Variants in PDCD6IP observed in about 807,000 individuals in gnomAD.
PDCD6IP encodes programmed cell death 6 interacting protein.
In PDCD6IP, 43 loss-of-function variants were observed where a neutral mutation model predicts 103.7. That is an observed-to-expected ratio of 0.41 (90% CI 0.32 to 0.53). PDCD6IP has a LOEUF of 0.53. Ranked by LOEUF, PDCD6IP falls within the 20% of genes least tolerant of loss-of-function variation. PDCD6IP has a pLI of 0.16. For missense variants in PDCD6IP, 871 were observed against 1,036.7 expected (o/e 0.84, Z 2.20); for synonymous variants, 354 against 378.7 (o/e 0.93, Z 0.76).
intron 1 of PDCD6IP, among the ~76,000 whole-genome samples, chr3:33,803,809 C>A (rs1266929106): frequency 6.6e-6 from 1 of 151,924 alleles, no homozygotes; most frequent in Non-Finnish European, 1.5e-5. Flanking sequence ...AAAAAATGTT[C>A]TTTGTTCCTT....
intron 3 of PDCD6IP, among the ~76,000 whole-genome samples, chr3:33,814,878 A>G (rs895803519): frequency 6.9e-6 from 1 of 145,896 alleles, no homozygotes; most frequent in Non-Finnish European, 1.5e-5. Flanking sequence ...ATACATATAT[A>G]CATATATATT....
chr3:33,856,400 A>T (rs767590837), intron 15 of PDCD6IP, among the ~76,000 whole-genome samples: 9 of 152,218 alleles, frequency 5.9e-5, no homozygotes, highest in Admixed American at 2.0e-4. Context: ...AGGGCGAATA[A>T]ACACTAAAGA....
intron 7 of PDCD6IP, among the ~76,000 whole-genome samples, chr3:33,834,138 T>C (rs1276097824): frequency 1.3e-5 from 2 of 152,282 alleles, no homozygotes; most frequent in South Asian, 4.1e-4. Context: ...TTAGTTAATC[T>C]GTCTACTTCT....
chr3:33,869,449 T>G lies in PDCD6IP; in HGVS notation c.*2924T>G, dbSNP rs985285182. The G allele has an allele frequency of 6.6e-6, 1 of 152,184 alleles. No homozygotes were observed. Among genetic ancestry groups the G allele is most frequent in the African/African-American group, 2.4e-5 (1 of 41,448 alleles). 9.4% of individuals were successfully genotyped at this position (152,184 alleles called of 1,614,324 possible). A position where few individuals can be genotyped will look rare whatever the true frequency, so the allele number is the denominator to read the frequency against. On this transcript the variant is annotated 3_prime_UTR_variant, in exon 18 of 18. Coordinates refer to ENST00000307296, the MANE Select transcript of PDCD6IP (RefSeq NM_013374.6). Reference sequence around the variant, plus strand: ...AGAACAGGTTCATTTTAAGATTTACTTGGAAGAGCAAAGAAGGAAAAATTA... The same window carrying G: ...AGAACAGGTTCATTTTAAGATTTACGTGGAAGAGCAAAGAAGGAAAAATTA...
intron 9 of PDCD6IP, among the ~76,000 whole-genome samples, chr3:33,838,883 G>A (rs1697410280): frequency 6.6e-6 from 1 of 151,742 alleles, no homozygotes; most frequent in Non-Finnish European, 1.5e-5. Flanking sequence ...ATGGCTCACT[G>A]CAGTCTCAAC....
intron 7 of PDCD6IP, among the ~76,000 whole-genome samples, chr3:33,829,444 A>T (rs929146090): frequency 6.6e-6 from 1 of 152,092 alleles, no homozygotes; most frequent in African/African-American, 2.4e-5. Context: ...TGGGGCATAT[A>T]CTTCCACAAC....
chr3:33,809,543 T>C (rs1014249022), intron 1 of PDCD6IP, among the ~76,000 whole-genome samples: 9 of 152,244 alleles, frequency 5.9e-5, no homozygotes, highest in Admixed American at 5.9e-4. Context: ...GTTTCAGTAC[T>C]TAATACTTCA....
chr3:33,805,281 G>C (rs1169085141), intron 1 of PDCD6IP, among the ~76,000 whole-genome samples: 2 of 148,916 alleles, frequency 1.3e-5, no homozygotes, highest in East Asian at 2.0e-4. Context: ...CTTGAACCCG[G>C]AAGGTGGAGG....
chr3:33,826,497 A>G lies in PDCD6IP; in HGVS notation c.634A>G (p.Ile212Val), dbSNP rs1231805336. ...TATTCCAGATAAAATGAAAGATGCC[A>G]TCATAGCTAAATTGGCTAATCAGGC... ...KATRDKMKDA[I>V]IAKLANQAAD... The change falls in exon 6 of 18, where the codon ATC becomes GTC. Residue 212 changes from isoleucine (I) to valine (V), a missense_variant. Ile to Val is a conservative substitution (Grantham distance 29). This residue lies in a region of PDCD6IP where 242 missense variants were observed against 250.7 expected (regional missense o/e 0.97). Coordinates refer to ENST00000307296, the MANE Select transcript of PDCD6IP (RefSeq NM_013374.6). 2.5e-6 allele frequency: 4 copies of G among 1,608,382 alleles called. No individual in the cohort carries two copies. Among genetic ancestry groups the G allele is most frequent in the Non-Finnish European group, 3.4e-6 (4 of 1,176,818 alleles).
At chr3:33,801,011 T>C (rs1401367021) in intron 1 of PDCD6IP, among the ~76,000 whole-genome samples, 2 of 152,248 alleles carry the variant, frequency 1.3e-5, no homozygotes, top group Non-Finnish European at 2.9e-5. Context: ...ATATAGTCTC[T>C]TTGAAACTAA....
At chr3:33,843,355 A>G (rs4343579) in intron 10 of PDCD6IP, among the ~76,000 whole-genome samples, 44,479 of 151,992 alleles carry the variant, frequency 0.29, 6,752 homozygotes, top group East Asian at 0.41. Flanking sequence ...TAAATTCACA[A>G]TCCAAGTCAA....
At chr3:33,820,969 C>T (rs1207999254) in intron 3 of PDCD6IP, among the ~76,000 whole-genome samples, 2 of 151,944 alleles carry the variant, frequency 1.3e-5, no homozygotes, top group African/African-American at 4.8e-5. Flanking sequence ...TTTTGAGGAC[C>T]TGCCATATTG....
At chr3:33,863,370 CTTAT>C (rs1434619242) in intron 15 of PDCD6IP, among the ~76,000 whole-genome samples, 1 of 152,146 alleles carries the variant, frequency 6.6e-6, no homozygotes, top group African/African-American at 2.4e-5. Context: ...AACACTAGAA[CTTAT>C]TTATTCTCTC....
chr3:33,814,840 C>T (rs1171402949), intron 3 of PDCD6IP, among the ~76,000 whole-genome samples: 3 of 127,008 alleles, frequency 2.4e-5, no homozygotes, highest in Admixed American at 9.1e-5. Flanking sequence ...ATACTATATG[C>T]ATGTATTATT....
chr3:33,854,128 C>A, intron 14 of PDCD6IP, 115 bp downstream of exon 14: 1 of 1,191,412 alleles, frequency 8.4e-7, no homozygotes, highest in South Asian at 1.8e-5. Context: ...AGAATTTTAG[C>A]TTTAATGCCA....
At chr3:33,814,104 A>G (rs1696777242) in intron 3 of PDCD6IP, among the ~76,000 whole-genome samples, 2 of 151,258 alleles carry the variant, frequency 1.3e-5, no homozygotes, top group South Asian at 2.1e-4. Context: ...TAATTTTCTT[A>G]TCTGTGAAAT....
intron 15 of PDCD6IP, among the ~76,000 whole-genome samples, chr3:33,856,334 A>G (rs1198438721): frequency 6.6e-6 from 1 of 152,226 alleles, no homozygotes; most frequent in Non-Finnish European, 1.5e-5. Flanking sequence ...GAGGTGTCAG[A>G]ATTCAGGAAA....
In PDCD6IP at chr3:33,841,960, G is replaced by A. The variant is rs1697485445; in HGVS notation, c.1245G>A (p.Gln415=). 1.3e-6 allele frequency: 2 copies of A among 1,583,038 alleles called. No individual in the cohort carries two copies. Residue 415 remains glutamine, a synonymous_variant, in exon 10 of 18, where the codon CAG becomes CAA. Transcript: ENST00000307296. ...ATGTGTCTGGAGACACTGTACCTCA[G>A]TCTATATTGACTAAATCCAGATCTG... is the stretch of plus-strand genomic sequence containing the variant. The part of the protein sequence containing the change: ...IEDVSGDTVP[Q]SILTKSRSVI...
intron 3 of PDCD6IP, among the ~76,000 whole-genome samples, chr3:33,815,267 C>T (rs967768846): frequency 6.6e-6 from 1 of 151,666 alleles, no homozygotes; most frequent in Non-Finnish European, 1.5e-5. Context: ...TATTAGAAAG[C>T]AGATTGTGGA....
Sources: gnomAD v4.1 joint callset for allele counts (sites outside exome capture counted in the v4.1 genomes callset) on GRCh38, gnomAD v4.1.1 for gene constraint, gnomAD v4.1.1 regional missense constraint, MANE v1.5 for transcripts, NCBI Gene and HGNC (gene_info 2026-07-23, HGNC 2026-07-21) for gene names.